LRMDA: variants seen among roughly 807,000 people sequenced by gnomAD.
The protein encoded by LRMDA is leucine-rich melanocyte differentiation-associated protein.
A neutral mutation model predicts 29.8 loss-of-function variants in LRMDA; 18 were observed. The observed-to-expected ratio is 0.60, with a 90% CI of 0.42 to 0.90. The LOEUF (loss-of-function observed/expected upper bound fraction) is 0.90. LRMDA is among the 40% of genes least tolerant of loss of function. LRMDA has a pLI of 0.00. For synonymous variants in LRMDA, 125 were observed against 109.4 expected (o/e 1.14, Z -0.89); for missense variants, 273 against 273.9 (o/e 1.00, Z 0.02).
At chr10:76,387,884 C>T (rs1841679062) in intron 6 of LRMDA, among the ~76,000 whole-genome samples, 1 of 152,166 alleles carries the variant, frequency 6.6e-6, no homozygotes, top group African/African-American at 2.4e-5. Context: ...ACTGAAATAT[C>T]AGCAGTGGTT....
Position 76,054,819 on chromosome 10 carries a change from T to C in LRMDA, c.399-3847T>C, listed in dbSNP as rs372229848. On this transcript the variant is annotated intron_variant, in intron 4 of 6. Coordinates refer to ENST00000611255, the MANE Select transcript of LRMDA (RefSeq NM_001305581.2). ...AGAAAAGATATTTGGTGGTGGTTCA[T>C]GCCTGTAATTCCAGCAGATGGATCA... Among the ~76,000 whole-genome samples the C allele has an allele frequency of 9.9e-5, 15 of 151,522 alleles. 1 individual carries two copies. The South Asian group carries it at 1.7e-3, about 17-fold the overall frequency.
At chr10:76,087,312 CACTT>C (rs1849153390) in intron 5 of LRMDA, among the ~76,000 whole-genome samples, 1 of 152,128 alleles carries the variant, frequency 6.6e-6, no homozygotes, top group Non-Finnish European at 1.5e-5. Flanking sequence ...CAGGTTTTGC[CACTT>C]ACTTGTTCTG....
At chr10:76,003,334 C>G (rs1419039834) in intron 2 of LRMDA, among the ~76,000 whole-genome samples, 1 of 152,122 alleles carries the variant, frequency 6.6e-6, no homozygotes, top group African/African-American at 2.4e-5. Flanking sequence ...TCAAGGCAAG[C>G]CTAGACCACA....
intron 2 of LRMDA, among the ~76,000 whole-genome samples, chr10:75,990,647 G>A (rs1192434715): frequency 1.3e-5 from 2 of 152,094 alleles, no homozygotes; most frequent in African/African-American, 2.4e-5. Context: ...TGAAATATGA[G>A]CCCTTCTGGC....
chr10:76,025,162 T>C (rs1348441651), intron 2 of LRMDA, among the ~76,000 whole-genome samples: 1 of 151,434 alleles, frequency 6.6e-6, no homozygotes, highest in African/African-American at 2.4e-5. Flanking sequence ...AGAGACATAG[T>C]CAAAGCCCAG....
intron 2 of LRMDA, among the ~76,000 whole-genome samples, chr10:75,509,759 A>C (rs1227596670): frequency 6.6e-6 from 1 of 152,188 alleles, no homozygotes; most frequent in African/African-American, 2.4e-5. Flanking sequence ...TTCTGGCCTC[A>C]GTTTCTCTAT....
At chr10:76,180,043 C>T (rs1195134476) in intron 5 of LRMDA, among the ~76,000 whole-genome samples, 1 of 152,098 alleles carries the variant, frequency 6.6e-6, no homozygotes, top group East Asian at 1.9e-4. Flanking sequence ...TGTTGTGGAG[C>T]CCAGATAGGG....
At chr10:75,692,249 CAT>C (rs1240764737) in intron 2 of LRMDA, among the ~76,000 whole-genome samples, 10 of 117,992 alleles carry the variant, frequency 8.5e-5, no homozygotes, top group South Asian at 2.8e-4. Flanking sequence ...TATATATATA[CAT>C]ATATATATTT....
chr10:75,521,675 G>A (rs765208900), intron 2 of LRMDA, among the ~76,000 whole-genome samples: 4 of 152,186 alleles, frequency 2.6e-5, no homozygotes, highest in Non-Finnish European at 4.4e-5. Flanking sequence ...CAGGTGAGGC[G>A]ATGCCCTGCC....
In LRMDA at chr10:76,019,713, A is replaced by G. The variant is rs555774569; in HGVS notation, c.132-16295A>G. 7.9e-5 allele frequency among the ~76,000 whole-genome samples: 12 copies of G among 152,248 alleles called. No individual in the cohort carries two copies. The South Asian group carries it at 2.3e-3, about 29-fold the overall frequency. ...TTTTTGTTTTCTAGTACATAAAATAATGTTGTGTCTATAATTGGTGCAGCT... is the reference window on the plus strand; with the variant it reads ...TTTTTGTTTTCTAGTACATAAAATAGTGTTGTGTCTATAATTGGTGCAGCT... On this transcript the variant is annotated intron_variant, in intron 2 of 6. Coordinates refer to ENST00000611255, the MANE Select transcript of LRMDA (RefSeq NM_001305581.2).
chr10:76,551,712 G>A (rs1193031716), intron 6 of LRMDA, among the ~76,000 whole-genome samples: 1 of 152,148 alleles, frequency 6.6e-6, no homozygotes, highest in African/African-American at 2.4e-5. Context: ...TTAGAAATTG[G>A]GGAGGAGGGA....
At chr10:76,077,420 T>C (rs1457315697) in intron 5 of LRMDA, among the ~76,000 whole-genome samples, 1 of 152,220 alleles carries the variant, frequency 6.6e-6, no homozygotes, top group Admixed American at 6.5e-5. Context: ...ATCTCTTTCC[T>C]GTAGGGCAGG....
intron 5 of LRMDA, among the ~76,000 whole-genome samples, chr10:76,082,527 G>A (rs1849064850): frequency 6.6e-6 from 1 of 152,068 alleles, no homozygotes; most frequent in South Asian, 2.1e-4. Context: ...TCCATTAGAT[G>A]TTTATTGCTC....
chr10:75,812,404 G>T (rs1185077741), intron 2 of LRMDA, among the ~76,000 whole-genome samples: 1 of 152,118 alleles, frequency 6.6e-6, no homozygotes, highest in South Asian at 2.1e-4. Flanking sequence ...ACATATTTAC[G>T]ATTGTGTGTT....
chr10:75,486,961 G>A (rs1844923068), intron 2 of LRMDA, among the ~76,000 whole-genome samples: 1 of 152,212 alleles, frequency 6.6e-6, no homozygotes, highest in Non-Finnish European at 1.5e-5. Context: ...CAGTTTGATA[G>A]CATTAGCTCA....
At chr10:75,950,303 C>T (rs927529184) in intron 2 of LRMDA, among the ~76,000 whole-genome samples, 4 of 152,218 alleles carry the variant, frequency 2.6e-5, no homozygotes, top group Admixed American at 6.5e-5. Flanking sequence ...TGCAATGGCA[C>T]CTCAGCTAGT....
chr10:76,321,436 A>G (rs1292123621), intron 5 of LRMDA, among the ~76,000 whole-genome samples: 1 of 152,214 alleles, frequency 6.6e-6, no homozygotes, highest in African/African-American at 2.4e-5. Flanking sequence ...AGTAAATTTC[A>G]GCAACTTCTC....
At chr10:76,476,701 C>A (rs979549857) in intron 6 of LRMDA, among the ~76,000 whole-genome samples, 2 of 152,092 alleles carry the variant, frequency 1.3e-5, no homozygotes, top group African/African-American at 4.8e-5. Context: ...CCTTATCCAC[C>A]ATGATCAAGT....
At chr10:76,406,749 G>GA (rs1330220186) in intron 6 of LRMDA, among the ~76,000 whole-genome samples, 14 of 152,186 alleles carry the variant, frequency 9.2e-5, no homozygotes, top group African/African-American at 3.4e-4. Flanking sequence ...CATACATGGT[G>GA]AAAAAAGGGG....
Sources: gnomAD v4.1 joint callset for allele counts (sites outside exome capture counted in the v4.1 genomes callset) on GRCh38, gnomAD v4.1.1 for gene constraint, MANE v1.5 for transcripts, NCBI Gene and HGNC (gene_info 2026-07-23, HGNC 2026-07-21) for gene names.